PTPN4: variants seen among roughly 807,000 people sequenced by gnomAD.
PTPN4 encodes the protein protein tyrosine phosphatase non-receptor type 4.
A neutral mutation model predicts 135.5 loss-of-function variants in PTPN4; 49 were observed. The observed-to-expected ratio is 0.36, with a 90% CI of 0.29 to 0.46. PTPN4 has a LOEUF of 0.46. PTPN4 is among the 20% of genes least tolerant of loss of function. The pLI, the probability that PTPN4 is intolerant of heterozygous loss-of-function variation, is 1.00. For synonymous variants in PTPN4, 333 were observed against 369.9 expected (o/e 0.90, Z 1.14); for missense variants, 860 against 1,101.0 (o/e 0.78, Z 3.10).
At chr2:119,956,731 C>T in intron 20 of PTPN4, 113 bp from the exon 21 acceptor site, 1 of 1,534,146 alleles carries the variant, frequency 6.5e-7, no homozygotes, top group South Asian at 1.3e-5. Flanking sequence ...TATAGATGAC[C>T]TATTCAAAGG....
At chr2:119,887,052 T>G (rs1308083939) in intron 9 of PTPN4, among the ~76,000 whole-genome samples, 5 of 152,190 alleles carry the variant, frequency 3.3e-5, no homozygotes, top group Admixed American at 3.3e-4. Context: ...TTTATTTTCC[T>G]TCCTTATTTA....
intron 26 of PTPN4, 108 bp from the exon 27 acceptor site, chr2:119,976,876 C>A: frequency 6.7e-7 from 1 of 1,485,856 alleles, no homozygotes; most frequent in South Asian, 1.3e-5. Flanking sequence ...TTTTGTTTTG[C>A]ATTTTTTAAG....
intron 12 of PTPN4, among the ~76,000 whole-genome samples, chr2:119,923,751 A>G (rs987543472): frequency 9.9e-5 from 15 of 152,178 alleles, no homozygotes; most frequent in Non-Finnish European, 7.3e-5. Context: ...TCCTCTCTAT[A>G]TAGAAACAAT....
chr2:119,823,593 A>C (rs1677103281), intron 2 of PTPN4, among the ~76,000 whole-genome samples: 1 of 151,936 alleles, frequency 6.6e-6, no homozygotes, highest in Admixed American at 6.6e-5. Flanking sequence ...GTATCTTTTC[A>C]CTTTCAATTA....
intron 1 of PTPN4, among the ~76,000 whole-genome samples, chr2:119,785,296 C>T (rs745463773): frequency 1.3e-5 from 2 of 152,108 alleles, no homozygotes; most frequent in Non-Finnish European, 2.9e-5. Context: ...GCGGGACTTA[C>T]TGAAGTGTTA....
In PTPN4 at chr2:119,965,611, G is replaced by A. The variant is rs1679434994; in HGVS notation, c.2524G>A (p.Ala842Thr). ...DFVCHVRNKR[A>T]GKEEPVVVHC... ...TGTTTGTCATGTACGAAACAAGAGG[G>A]CTGGCAAGGAAGAACCCGTTGTTGT... Residue 842 changes from alanine (A) to threonine (T), a missense_variant, in exon 25 of 27, where the codon GCT (alanine) becomes ACT (threonine). Transcript: ENST00000263708. 6.2e-7 allele frequency: 1 copy of A among 1,613,912 alleles called. No homozygotes were observed. The highest frequency in any genetic ancestry group is 1.7e-5 in the Admixed American group (1 of 59,972).
intron 1 of PTPN4, among the ~76,000 whole-genome samples, chr2:119,766,443 T>TGCGCGCGCGCGCGCGCGCGCGC (rs145798313): frequency 1.8e-5 from 2 of 109,768 alleles, no homozygotes; most frequent in African/African-American, 6.4e-5. Context: ...TATGCGCATG[T>TGCGCGCGCGCGCGCGCGCGCGC]GCGCGCGTGT....
intron 1 of PTPN4, among the ~76,000 whole-genome samples, chr2:119,780,509 C>T (rs1414922625): frequency 6.6e-6 from 1 of 152,154 alleles, no homozygotes; most frequent in Non-Finnish European, 1.5e-5. Context: ...ACAACGCTCC[C>T]CCATCCTTTT....
chr2:119,943,288 C>T (rs376479027), intron 15 of PTPN4, among the ~76,000 whole-genome samples: 2 of 152,202 alleles, frequency 1.3e-5, no homozygotes, highest in Admixed American at 1.3e-4. Context: ...TCTCAATAAG[C>T]TTACACCTCC....
chr2:119,772,728 G>C (rs1327654500), intron 1 of PTPN4, among the ~76,000 whole-genome samples: 1 of 151,980 alleles, frequency 6.6e-6, no homozygotes, highest in East Asian at 1.9e-4. Context: ...TGGTAGAGAC[G>C]GGGTTTCACT....
At chr2:119,822,329 A>G (rs763928603) in intron 2 of PTPN4, among the ~76,000 whole-genome samples, 52 of 147,436 alleles carry the variant, frequency 3.5e-4, no homozygotes, top group Admixed American at 2.7e-4. Context: ...CATGCTTTCT[A>G]TCTTCCAAAG....
chr2:119,898,325 G>C (rs1678353939), intron 9 of PTPN4, among the ~76,000 whole-genome samples: 1 of 152,120 alleles, frequency 6.6e-6, no homozygotes, highest in African/African-American at 2.4e-5. Flanking sequence ...AGAGATATGA[G>C]AACATTTTTA....
chr2:119,922,358 A>G (rs1039163782), intron 12 of PTPN4, among the ~76,000 whole-genome samples: 1 of 152,172 alleles, frequency 6.6e-6, no homozygotes, highest in Non-Finnish European at 1.5e-5. Context: ...ATTAAGGACT[A>G]TTAAATGGGA....
intron 25 of PTPN4, among the ~76,000 whole-genome samples, chr2:119,966,818 C>A (rs1337596327): frequency 6.6e-6 from 1 of 152,212 alleles, no homozygotes; most frequent in Non-Finnish European, 1.5e-5. Context: ...CCCAAGTCCC[C>A]TTCTGCCCTC....
intron 8 of PTPN4, among the ~76,000 whole-genome samples, chr2:119,885,307 A>ATAT (rs1284596311): frequency 6.6e-6 from 1 of 152,164 alleles, no homozygotes; most frequent in Non-Finnish European, 1.5e-5. Flanking sequence ...GATTTAACAG[A>ATAT]TATTACCCAG....
chr2:119,930,108 G>A (rs1678882396), intron 13 of PTPN4, among the ~76,000 whole-genome samples: 1 of 152,028 alleles, frequency 6.6e-6, no homozygotes, highest in Non-Finnish European at 1.5e-5. Flanking sequence ...CAATATGAGG[G>A]AGTTGAACTA....
Position 119,926,722 on chromosome 2 carries a change from C to T in PTPN4, c.1070+56C>T, listed in dbSNP as rs188211424. The T allele has an allele frequency of 5.0e-4, 665 of 1,333,246 alleles. 2 individuals are homozygous for T. The African/African-American group carries it at 8.9e-3, about 18-fold the overall frequency. 82.6% of individuals were successfully genotyped at this position (1,333,246 alleles called of 1,614,324 possible). A position where few individuals can be genotyped will look rare whatever the true frequency, so the allele number is the denominator to read the frequency against. ...TTTTTAAAAAGATGGATTGAGTTTA[C>T]TAAAAAGTTTTTCTAAATATTTTTT... On this transcript the variant is annotated intron_variant, in intron 13 of 26. Transcript: ENST00000263708.
At chr2:119,838,187 A>G (rs1677324672) in intron 2 of PTPN4, among the ~76,000 whole-genome samples, 4 of 151,458 alleles carry the variant, frequency 2.6e-5, no homozygotes, top group Admixed American at 2.6e-4. Context: ...TCAGTGGATG[A>G]TTTCTGGTTT....
chr2:119,889,195 G>A (rs992812046), intron 9 of PTPN4, among the ~76,000 whole-genome samples: 11 of 152,236 alleles, frequency 7.2e-5, no homozygotes, highest in East Asian at 1.9e-4. Context: ...CAAGACGGGC[G>A]GATCACGAGG....
Sources: allele counts gnomAD v4.1 joint callset (sites outside exome capture counted in the v4.1 genomes callset), GRCh38; gene constraint gnomAD v4.1.1; transcripts MANE v1.5; gene names NCBI Gene and HGNC (gene_info 2026-07-23, HGNC 2026-07-21).